GTF2E1: variants seen among roughly 807,000 people sequenced by gnomAD.
The protein encoded by GTF2E1 is TFIIE alpha subunit.
GTF2E1 carries 14 observed loss-of-function variants against 34.9 expected under a neutral mutation model. That is an observed-to-expected ratio of 0.40 (90% CI 0.27 to 0.63). GTF2E1 has a LOEUF of 0.63. Ranked by LOEUF, GTF2E1 falls within the 20% of genes least tolerant of loss-of-function variation. GTF2E1 has a pLI of 0.39. For missense variants in GTF2E1, 469 were observed against 557.7 expected (o/e 0.84, Z 1.60); for synonymous variants, 188 against 192.9 (o/e 0.97, Z 0.21).
intron 2 of GTF2E1, among the ~76,000 whole-genome samples, chr3:120,753,118 T>G (rs955375934): frequency 6.6e-6 from 1 of 152,122 alleles, no homozygotes; most frequent in African/African-American, 2.4e-5. Context: ...GAGTTTTGTT[T>G]TTGTTTTTTT....
chr3:120,748,187 C>G (rs1271949286), intron 1 of GTF2E1, among the ~76,000 whole-genome samples: 1 of 152,094 alleles, frequency 6.6e-6, no homozygotes, highest in Non-Finnish European at 1.5e-5. Context: ...AAATTTTCTC[C>G]CATTCTGTAG....
At position 120,781,623 on chromosome 3, in the gene GTF2E1, A is replaced by G. The variant is rs1709448842; in HGVS notation, c.*153A>G. On this transcript the variant is annotated 3_prime_UTR_variant, in exon 5 of 5. Coordinates refer to ENST00000283875, the MANE Select transcript of GTF2E1 (RefSeq NM_005513.3). ...ATTGATGGTAGAGAGTTTGACTTTT[A>G]TGCCAGAAACTTTCCCAGCAAGGTA... 3.1e-6 allele frequency: 2 copies of G among 638,418 alleles called. No homozygotes were observed. The highest frequency in any genetic ancestry group is 5.5e-5 in the East Asian group (2 of 36,336). The allele number at this position is 638,418 out of a possible 1,614,324, so 39.5% of individuals were successfully genotyped here. A position where few individuals can be genotyped will look rare whatever the true frequency, so the allele number is the denominator to read the frequency against.
intron 1 of GTF2E1, among the ~76,000 whole-genome samples, chr3:120,749,057 G>T (rs1405956732): frequency 1.3e-5 from 2 of 152,142 alleles, no homozygotes; most frequent in Non-Finnish European, 2.9e-5. Context: ...CTTTTTGTCT[G>T]TTATTGGTGT....
chr3:120,772,774 G>A (rs1408688960), intron 3 of GTF2E1, among the ~76,000 whole-genome samples: 1 of 152,066 alleles, frequency 6.6e-6, no homozygotes, highest in African/African-American at 2.4e-5. Context: ...CACTACAATA[G>A]CATTCAGTCA....
Sources: gnomAD v4.1 joint callset for allele counts (sites outside exome capture counted in the v4.1 genomes callset) on GRCh38, gnomAD v4.1.1 for gene constraint, MANE v1.5 for transcripts, NCBI Gene and HGNC (gene_info 2026-07-23, HGNC 2026-07-21) for gene names.